The following UBE3A variants were observed in gnomAD, a reference collection of about 807,000 sequenced individuals.
The protein encoded by UBE3A is ubiquitin-protein ligase E3A.
In UBE3A, 6 loss-of-function variants were observed where a neutral mutation model predicts 83.4. The ratio of observed to expected loss-of-function variants is 0.07; its 90% CI spans 0.04 to 0.14. The LOEUF is 0.14. Among genes scored for constraint, UBE3A ranks in the 10% least tolerant of loss-of-function variants. UBE3A has a pLI of 1.00. For missense variants in UBE3A, 456 were observed against 1,036.1 expected, an observed-to-expected ratio of 0.44 and a Z score of 7.69; for synonymous variants, 337 against 355.4, an observed-to-expected ratio of 0.95 and a Z score of 0.58.
At chr15:25,372,643 T>C (rs2080477148) in intron 5 of UBE3A, among the ~76,000 whole-genome samples, 1 of 152,334 alleles carries the variant, frequency 6.6e-6, no homozygotes, top group East Asian at 1.9e-4. Flanking sequence ...TTCTCCCTTC[T>C]GGCTAATAGG....
chr15:25,343,497 T>C (rs937607436), intron 11 of UBE3A, among the ~76,000 whole-genome samples: 1 of 152,128 alleles, frequency 6.6e-6, no homozygotes, highest in Non-Finnish European at 1.5e-5. Context: ...AATTTTATTA[T>C]AAGGTGACCA....
At chr15:25,379,214 G>A (rs567973994) in intron 4 of UBE3A, among the ~76,000 whole-genome samples, 1 of 152,226 alleles carries the variant, frequency 6.6e-6, no homozygotes, top group African/African-American at 2.4e-5. Flanking sequence ...ACATTGCCTG[G>A]CACATACTAA....
intron 4 of UBE3A, among the ~76,000 whole-genome samples, chr15:25,404,023 C>A (rs575757574): frequency 6.6e-6 from 1 of 151,904 alleles, no homozygotes; most frequent in Non-Finnish European, 1.5e-5. Flanking sequence ...CGTGACTGTG[C>A]AACAATATTA....
In UBE3A at chr15:25,355,912, T is replaced by G; in HGVS notation, c.2104A>C (p.Ile702Leu). The change falls in exon 9 of 13, where the codon ATT becomes CTT. Residue 702 changes from isoleucine to leucine, a missense_variant. Around this residue, in one of 13 missense-constraint regions of UBE3A, gnomAD observed 82 missense variants for 199.3 expected, o/e 0.41. Transcript: ENST00000648336. The stretch of plus-strand genomic sequence containing the variant: ...ATTACCTTCCTGTTTTCATTTGTAA[T>G]TGGAATTTTATCACCATTTTCCTTT... ...DLKENGDKIP[I>L]TNENRKEFVN... 1 of 1,613,310 alleles carries G rather than the reference T, an allele frequency of 6.2e-7. No homozygotes were observed.
chr15:25,369,783 C>T (rs1483630660), intron 6 of UBE3A, among the ~76,000 whole-genome samples: 1 of 152,106 alleles, frequency 6.6e-6, no homozygotes, highest in Non-Finnish European at 1.5e-5. Flanking sequence ...TAAACAGATA[C>T]ACTAAAATTA....
intron 12 of UBE3A, 43 bp from the exon 13 acceptor site, chr15:25,339,300 A>C: frequency 6.2e-7 from 1 of 1,603,222 alleles, no homozygotes; most frequent in South Asian, 1.1e-5. Context: ...ACTGTAAGTC[A>C]TGGGAAATAC....
At chr15:25,351,025 C>T (rs1247443846) in intron 11 of UBE3A, among the ~76,000 whole-genome samples, 10 of 152,082 alleles carry the variant, frequency 6.6e-5, no homozygotes, top group African/African-American at 9.7e-5. Flanking sequence ...CCCAATTAAG[C>T]CCTGGGTATT....
At chr15:25,339,816 TAACAAGCTGGGAATC>T in intron 12 of UBE3A, 1 of 473,116 alleles carries the variant, frequency 2.1e-6, no homozygotes, top group Non-Finnish European at 3.8e-6. Context: ...GGCTTTCAAT[TAACAAGCTGGGAATC>T]AAAAAAGTAA....
chr15:25,419,197 T>C (rs1181178195), intron 1 of UBE3A: 1 of 152,120 alleles, frequency 6.6e-6, no homozygotes, highest in Non-Finnish European at 1.5e-5. Flanking sequence ...GCATAGTAAA[T>C]TCTAGTTAAA....
rs2073941926 is a variant in UBE3A at position 25,335,957 on chromosome 15, T to C, written c.*3180A>G. On this transcript the variant is annotated 3_prime_UTR_variant, in exon 13 of 13. Transcript: ENST00000648336. ...GTTACTGATTTTGGCAATGAGGAGA[T>C]TATAAGGATCCTTGAAGACTGTACT... is the stretch of plus-strand genomic sequence containing the variant. 6.6e-6 allele frequency: 1 copy of C among 152,106 alleles called. No homozygotes were observed. The highest frequency in any genetic ancestry group is 1.5e-5 in the Non-Finnish European group (1 of 68,024). 9.4% of individuals were successfully genotyped at this position (152,106 alleles called of 1,614,324 possible). A position where few individuals can be genotyped will look rare whatever the true frequency, so the allele number is the denominator to read the frequency against.
At chr15:25,341,351 A>G (rs866428734) in intron 11 of UBE3A, among the ~76,000 whole-genome samples, 26 of 151,992 alleles carry the variant, frequency 1.7e-4, no homozygotes, top group East Asian at 9.8e-4. Context: ...GATTGCAGGC[A>G]TGAGCCACCG....
chr15:25,367,751 G>A (rs1045113039), intron 6 of UBE3A, among the ~76,000 whole-genome samples: 12 of 151,902 alleles, frequency 7.9e-5, no homozygotes, highest in African/African-American at 2.9e-4. Flanking sequence ...TGTCATCAAA[G>A]ACAATTTCTC....
At chr15:25,376,812 T>G (rs2081307502) in intron 4 of UBE3A, among the ~76,000 whole-genome samples, 1 of 152,218 alleles carries the variant, frequency 6.6e-6, no homozygotes, top group Non-Finnish European at 1.5e-5. Context: ...TCTGTCAACT[T>G]AAAGTACACA....
At chr15:25,435,258 AC>A (rs1894721965) in intron 1 of UBE3A, among the ~76,000 whole-genome samples, 1 of 150,942 alleles carries the variant, frequency 6.6e-6, no homozygotes, top group East Asian at 2.0e-4. Context: ...ACACACACAC[AC>A]AAATGTGAGA....
At chr15:25,339,764 G>A (rs376114916) in intron 12 of UBE3A, 4 of 369,294 alleles carry the variant, frequency 1.1e-5, no homozygotes, top group Non-Finnish European at 2.0e-5. Flanking sequence ...ATAATCTTCC[G>A]AGCCTCAATG....
intron 1 of UBE3A, among the ~76,000 whole-genome samples, chr15:25,436,996 T>A (rs1324036912): frequency 6.6e-6 from 1 of 152,206 alleles, no homozygotes; most frequent in Non-Finnish European, 1.5e-5. Context: ...ATAAGTTACC[T>A]CTTCATATTC....
At chr15:25,348,482 C>A (rs2076043243) in intron 11 of UBE3A, among the ~76,000 whole-genome samples, 1 of 151,950 alleles carries the variant, frequency 6.6e-6, no homozygotes, top group Middle Eastern at 3.2e-3. Flanking sequence ...AAGGTTCTAG[C>A]CAGTGCAATA....
intron 1 of UBE3A, chr15:25,413,108 G>T: frequency 2.4e-6 from 1 of 409,540 alleles, no homozygotes; most frequent in Admixed American, 3.2e-5. Flanking sequence ...TAAAAATACA[G>T]AATAACAAAA....
chr15:25,380,029 C>T (rs542944877), intron 4 of UBE3A, among the ~76,000 whole-genome samples: 3 of 152,108 alleles, frequency 2.0e-5, no homozygotes, highest in African/African-American at 4.8e-5. Flanking sequence ...AGGAGTGACC[C>T]CCTGGGAGAT....
Sources: allele counts gnomAD v4.1 joint callset (sites outside exome capture counted in the v4.1 genomes callset), GRCh38; gene constraint gnomAD v4.1.1; regional missense constraint gnomAD v4.1.1; transcripts MANE v1.5; gene names NCBI Gene and HGNC (gene_info 2026-07-23, HGNC 2026-07-21).